HDGFL3: variants seen among roughly 807,000 people sequenced by gnomAD.
The protein encoded by HDGFL3 is HDGF like 3, also known as hepatoma-derived growth factor-related protein 3.
HDGFL3 carries 6 observed loss-of-function variants against 27.6 expected under a neutral mutation model. The ratio of observed to expected loss-of-function variants is 0.22; its 90% CI spans 0.12 to 0.43. HDGFL3 has a LOEUF of 0.43. Among genes scored for constraint, HDGFL3 ranks in the 20% least tolerant of loss-of-function variants. The pLI is 1.00. For synonymous variants in HDGFL3, 88 were observed against 88.9 expected (o/e 0.99, Z 0.05); for missense variants, 207 against 250.1 (o/e 0.83, Z 1.16).
At position 83,207,143 on chromosome 15, in the gene HDGFL3, G is replaced by T. The variant is rs910336219; in HGVS notation, c.84+188C>A. On this transcript the variant is annotated intron_variant, in intron 1 of 5. Transcript: ENST00000299633. This position sits in a 1 kb window ranked among gnomAD's most constrained non-coding sequence, Gnocchi z 4.8. The stretch of plus-strand genomic sequence containing the variant: ...AAGGATGGCCGCCCTGGCGGAGTGC[G>T]GGCGAGGCCGGGAGCCCTTGCCTCA... 6.6e-6 allele frequency among the ~76,000 whole-genome samples: 1 copy of T among 152,168 alleles called. No homozygotes were observed. The highest frequency in any genetic ancestry group is 1.5e-5 in the Non-Finnish European group (1 of 68,022).
intron 2 of HDGFL3, among the ~76,000 whole-genome samples, chr15:83,162,069 G>A (rs1471685230): frequency 2.6e-5 from 4 of 152,140 alleles, no homozygotes; most frequent in African/African-American, 4.8e-5. Context: ...TAGCCTTCTT[G>A]TTAAGCTCAC....
In HDGFL3 at chr15:83,200,156, A is replaced by G. The variant is rs368138400; in HGVS notation, c.84+7175T>C. ...CAGGAGATTGAGACCATCCTGGCTAACACAGTGAAACCCCATCTCTACTAA... is the reference window on the plus strand; with the variant it reads ...CAGGAGATTGAGACCATCCTGGCTAGCACAGTGAAACCCCATCTCTACTAA... On this transcript the variant is annotated intron_variant, in intron 1 of 5. Transcript: ENST00000299633. Among the ~76,000 whole-genome samples, 59 of 151,920 alleles carry G rather than the reference A, an allele frequency of 3.9e-4. 1 individual carries two copies. In the East Asian group the frequency reaches 8.3e-3, roughly 21 times the overall value.
intron 1 of HDGFL3, among the ~76,000 whole-genome samples, chr15:83,179,543 G>A (rs143888597): frequency 6.6e-6 from 1 of 152,282 alleles, no homozygotes; most frequent in East Asian, 1.9e-4. Flanking sequence ...CAGAGGGCTA[G>A]GCAAGGATAC....
Position 83,128,659 on chromosome 15 carries a change from C to T in HDGFL3, c.*10611G>A, listed in dbSNP as rs1231979837. On this transcript the variant is annotated 3_prime_UTR_variant, in exon 6 of 6. Coordinates refer to ENST00000299633, the MANE Select transcript of HDGFL3 (RefSeq NM_016073.4). ...ACTCAGTCTTTTTACTTGCATGCCTCACTAGCACCTCAGATTTAATATATA... is the reference window on the plus strand; with the variant it reads ...ACTCAGTCTTTTTACTTGCATGCCTTACTAGCACCTCAGATTTAATATATA... 14 of 152,196 alleles carry T rather than the reference C, an allele frequency of 9.2e-5. No individual in the cohort carries two copies. Among genetic ancestry groups the T allele is most frequent in the Admixed American group, 9.2e-4 (14 of 15,278 alleles). 9.4% of individuals were successfully genotyped at this position (152,196 alleles called of 1,614,324 possible).
At chr15:83,178,677 A>G (rs1025757483) in intron 1 of HDGFL3, among the ~76,000 whole-genome samples, 9 of 152,150 alleles carry the variant, frequency 5.9e-5, no homozygotes, top group Admixed American at 1.3e-4. Flanking sequence ...AAGAAAAAAA[A>G]AGTTCCTCAC....
At chr15:83,195,942 T>C (rs1000150718) in intron 1 of HDGFL3, among the ~76,000 whole-genome samples, 1 of 152,036 alleles carries the variant, frequency 6.6e-6, no homozygotes, top group Non-Finnish European at 1.5e-5. Context: ...CGAAGTACTA[T>C]AACTTATGTG....
At chr15:83,182,816 G>T (rs2037396187) in intron 1 of HDGFL3, among the ~76,000 whole-genome samples, 1 of 152,098 alleles carries the variant, frequency 6.6e-6, no homozygotes, top group Admixed American at 6.5e-5. Flanking sequence ...TAGGGATGAA[G>T]TAAATTAATG....
Position 83,207,309 on chromosome 15 carries a change from C to G in HDGFL3, c.84+22G>C. 2 of 1,335,864 alleles carry G rather than the reference C, an allele frequency of 1.5e-6. No homozygotes were observed. The highest frequency in any genetic ancestry group is 1.9e-6 in the Non-Finnish European group (2 of 1,037,136). 82.8% of individuals were successfully genotyped at this position (1,335,864 alleles called of 1,614,324 possible). A position where few individuals can be genotyped will look rare whatever the true frequency, so the allele number is the denominator to read the frequency against. On this transcript the variant is annotated intron_variant, in intron 1 of 5. Coordinates refer to ENST00000299633, the MANE Select transcript of HDGFL3 (RefSeq NM_016073.4). The surrounding 1 kb of genome is among the most constrained non-coding windows in gnomAD (Gnocchi z 4.8). ...GGGGAAAATGGTGGGCGGGCGGGCC[C>G]GCGCGCGGCCGCGGTACTCACCCGG...
At position 83,128,136 on chromosome 15, in the gene HDGFL3, T is replaced by C. The variant is rs2035935882; in HGVS notation, c.*11134A>G. On this transcript the variant is annotated 3_prime_UTR_variant, in exon 6 of 6. Transcript: ENST00000299633. ...TTTTTCTTACTAGAAATAAAACAAA[T>C]GAACTTATCATTTAAAAACATTAGC... is the stretch of plus-strand genomic sequence containing the variant. The C allele has an allele frequency of 1.3e-5, 2 of 152,246 alleles. No homozygotes were observed. The highest frequency in any genetic ancestry group is 1.3e-4 in the Admixed American group (2 of 15,272). 9.4% of individuals were successfully genotyped at this position (152,246 alleles called of 1,614,324 possible).
intron 5 of HDGFL3, chr15:83,144,650 C>T (rs550659762): frequency 1.1e-4 from 44 of 397,716 alleles, no homozygotes; most frequent in Non-Finnish European, 1.8e-4. Flanking sequence ...TGAATCCTGC[C>T]AGGAACAATT....
At chr15:83,146,102 G>C (rs2036888012) in intron 5 of HDGFL3, among the ~76,000 whole-genome samples, 1 of 151,406 alleles carries the variant, frequency 6.6e-6, no homozygotes, top group Admixed American at 6.6e-5. Flanking sequence ...GTAGAGACAG[G>C]TTTCACCATA....
intron 1 of HDGFL3, among the ~76,000 whole-genome samples, chr15:83,169,414 C>CAA (rs58159581): frequency 0.03 from 1,070 of 35,616 alleles, 109 homozygotes; most frequent in Non-Finnish European, 0.04. Flanking sequence ...GACTCCGTCT[C>CAA]AAAAAAAAAA....
In HDGFL3 at chr15:83,148,404, G is replaced by A. The variant is rs542761939; in HGVS notation, c.606+2811C>T. 6.6e-4 allele frequency among the ~76,000 whole-genome samples: 100 copies of A among 151,592 alleles called. 1 individual carries two copies. The highest frequency in any genetic ancestry group is 2.2e-3 in the African/African-American group (93 of 41,428). On this transcript the variant is annotated intron_variant, in intron 5 of 5. Transcript: ENST00000299633. Reference sequence around the variant, plus strand: ...TGGGAGGCTGAGGCAGGCAGATCACGAGGTCAGGAGATCGAGACCACCCTG... The same window carrying A: ...TGGGAGGCTGAGGCAGGCAGATCACAAGGTCAGGAGATCGAGACCACCCTG...
At chr15:83,191,882 T>C (rs1007670569) in intron 1 of HDGFL3, among the ~76,000 whole-genome samples, 2 of 151,870 alleles carry the variant, frequency 1.3e-5, no homozygotes, top group African/African-American at 4.8e-5. Flanking sequence ...ATTAATAACA[T>C]TGTAAGGATT....
chr15:83,197,117 C>A (rs2037579259), intron 1 of HDGFL3, among the ~76,000 whole-genome samples: 1 of 152,200 alleles, frequency 6.6e-6, no homozygotes. Context: ...AGAATGGAGA[C>A]CATGATATTT....
Position 83,135,724 on chromosome 15 carries a change from CGG to C in HDGFL3, c.*3544_*3545del, listed in dbSNP as rs1567161173. ...AGAGAGGGAGGCCATTTTGCAAATG[CGG>C]ATAATGCTGACATGTCGTACTTCTA... On this transcript the variant is annotated 3_prime_UTR_variant, in exon 6 of 6. Coordinates refer to ENST00000299633, the MANE Select transcript of HDGFL3 (RefSeq NM_016073.4). The C allele has an allele frequency of 2.0e-5, 3 of 152,108 alleles. No homozygotes were observed. Among genetic ancestry groups the C allele is most frequent in the African/African-American group, 7.2e-5 (3 of 41,402 alleles). 9.4% of individuals were successfully genotyped at this position (152,108 alleles called of 1,614,324 possible).
At chr15:83,157,185 A>G (rs1180924462) in intron 4 of HDGFL3, among the ~76,000 whole-genome samples, 1 of 152,158 alleles carries the variant, frequency 6.6e-6, no homozygotes, top group African/African-American at 2.4e-5. Flanking sequence ...TCCTCCTCCA[A>G]CTAAAAAGGT....
At chr15:83,115,202 C>G (rs1408825388) in exon 4 of HDGFL3, 2 of 166,912 alleles carry the variant, frequency 1.2e-5, no homozygotes, top group Non-Finnish European at 2.6e-5. Context: ...ACTGCAACCT[C>G]CGCCTCCTGG....
intron 4 of HDGFL3, among the ~76,000 whole-genome samples, chr15:83,156,154 C>T (rs2037026559): frequency 6.6e-6 from 1 of 152,152 alleles, no homozygotes; most frequent in African/African-American, 2.4e-5. Context: ...ACAGGAAAAA[C>T]ATGCTAAACT....
Sources: allele counts gnomAD v4.1 joint callset (sites outside exome capture counted in the v4.1 genomes callset), GRCh38; gene constraint gnomAD v4.1.1; non-coding constraint Gnocchi (gnomAD v3.1); transcripts MANE v1.5; gene names NCBI Gene and HGNC (gene_info 2026-07-23, HGNC 2026-07-21).